The following PRDM16 variants were observed in gnomAD, a reference collection of about 807,000 sequenced individuals.
PRDM16 encodes histone-lysine N-methyltransferase PRDM16.
In PRDM16, 23 loss-of-function variants were observed where a neutral mutation model predicts 110.6. That is an observed-to-expected ratio of 0.21 (90% confidence interval 0.15 to 0.29). The LOEUF (loss-of-function observed/expected upper bound fraction) is 0.29, where lower values mean the gene tolerates loss of function less well. PRDM16 is among the 10% of genes least tolerant of loss of function. The pLI is 1.00. For missense variants in PRDM16, 1,615 were observed against 1,794.3 expected, an observed-to-expected ratio of 0.90 and a Z score of 1.81; for synonymous variants, 799 against 781.8, an observed-to-expected ratio of 1.02 and a Z score of -0.37.
chr1:3,294,656 G>A (rs561882678), intron 3 of PRDM16, among the ~76,000 whole-genome samples: 26 of 152,184 alleles, frequency 1.7e-4, no homozygotes, highest in Middle Eastern at 3.4e-3. Context: ...TTCAGCCAGC[G>A]CCATCCTCTG....
chr1:3,233,259 G>T (rs1408231085), intron 2 of PRDM16, among the ~76,000 whole-genome samples: 3 of 152,202 alleles, frequency 2.0e-5, no homozygotes, highest in African/African-American at 7.2e-5. Flanking sequence ...CGGTGTGGAG[G>T]AGGGACCGTC....
Position 3,411,689 on chromosome 1 carries a change from C to A in PRDM16, c.1492C>A (p.Leu498Met). Residue 498 changes from leucine (L) to methionine (M), a missense_variant, in exon 9 of 17, where the codon CTG (leucine) becomes ATG (methionine). Leu to Met is a conservative substitution (Grantham distance 15). Transcript: ENST00000270722. ...YFPSRPHPGS[L>M]PFSTAPPTFP... ...TCCCTCCAGGCCGCACCCGGGGAGC[C>A]TGCCCTTCTCCACGGCGCCTCCCAC... 6.2e-7 allele frequency: 1 copy of A among 1,610,768 alleles called. No homozygotes were observed. Among genetic ancestry groups the A allele is most frequent in the Non-Finnish European group, 8.5e-7 (1 of 1,177,832 alleles).
At chr1:3,313,431 A>T (rs1430373233) in intron 3 of PRDM16, among the ~76,000 whole-genome samples, 2 of 152,180 alleles carry the variant, frequency 1.3e-5, no homozygotes, top group African/African-American at 4.8e-5. Context: ...CAGGGTGGGA[A>T]AAGTAGCCTG....
At position 3,412,482 on chromosome 1, in the gene PRDM16, T is replaced by C. The variant is rs1248519854; in HGVS notation, c.2285T>C (p.Leu762Pro). The change falls in exon 9 of 17, where the codon CTC becomes CCC. Residue 762 changes from leucine (L) to proline (P), a missense_variant. By Grantham distance (98) the Leu-to-Pro change is moderately conservative (BLOSUM62 -3). Transcript: ENST00000270722. Reference protein sequence around the residue: ...KAEPKSPRDALKVGGPSAECP... With the variant: ...KAEPKSPRDAPKVGGPSAECP... ...GAGCCAAAGTCACCCCGGGACGCCCTCAAGGTGGGCGGCCCCAGTGCCGAG... is the reference window on the plus strand; with the variant it reads ...GAGCCAAAGTCACCCCGGGACGCCCCCAAGGTGGGCGGCCCCAGTGCCGAG... The C allele has an allele frequency of 6.2e-7, 1 of 1,613,182 alleles. No individual in the cohort carries two copies. Among genetic ancestry groups the C allele is most frequent in the Non-Finnish European group, 8.5e-7 (1 of 1,179,948 alleles).
chr1:3,401,511 C>T (rs1010634240), intron 5 of PRDM16, among the ~76,000 whole-genome samples: 12 of 152,164 alleles, frequency 7.9e-5, no homozygotes, highest in African/African-American at 2.9e-4. Context: ...CAAACACAAA[C>T]ATGCACGTTA....
In PRDM16 at chr1:3,157,303, C is replaced by T. The variant is rs1045343029; in HGVS notation, c.38-28822C>T. ...ATTTCAGATACACAGCACACAAGTA[C>T]GTCCCAAACACAGCCAGCATTTTGT... On this transcript the variant is annotated intron_variant, in intron 1 of 16. Transcript: ENST00000270722. The surrounding 1 kb of genome is among the most constrained non-coding windows in gnomAD (Gnocchi z 4.8). Among the ~76,000 whole-genome samples the T allele has an allele frequency of 1.3e-5, 2 of 152,050 alleles. No homozygotes were observed. The highest frequency in any genetic ancestry group is 4.8e-5 in the African/African-American group (2 of 41,402).
chr1:3,088,671 T>C (rs1312973551), intron 1 of PRDM16, among the ~76,000 whole-genome samples: 1 of 151,324 alleles, frequency 6.6e-6, no homozygotes, highest in East Asian at 1.9e-4. Context: ...TTTCACCGTG[T>C]TAGCCAGGAT....
At chr1:3,174,292 T>A (rs924258254) in intron 1 of PRDM16, among the ~76,000 whole-genome samples, 1 of 152,200 alleles carries the variant, frequency 6.6e-6, no homozygotes, top group Non-Finnish European at 1.5e-5. Flanking sequence ...CCCTCCCTAG[T>A]GACCTCACCT....
chr1:3,296,840 C>T (rs374487282), intron 3 of PRDM16, among the ~76,000 whole-genome samples: 1 of 152,194 alleles, frequency 6.6e-6, no homozygotes, highest in Non-Finnish European at 1.5e-5. Flanking sequence ...AAACCCACTG[C>T]GAGTTGAAAA....
intron 1 of PRDM16, among the ~76,000 whole-genome samples, chr1:3,145,578 G>A (rs146321766): frequency 2.8e-4 from 43 of 152,244 alleles, no homozygotes; most frequent in Non-Finnish European, 4.9e-4. Flanking sequence ...CCCTCTCCAC[G>A]TGGTGCAGCA....
intron 3 of PRDM16, among the ~76,000 whole-genome samples, chr1:3,381,185 G>A (rs1018167822): frequency 1.3e-5 from 2 of 152,084 alleles, no homozygotes; most frequent in African/African-American, 4.8e-5. Context: ...TACATGCACA[G>A]GTGCACCCAC....
chr1:3,369,478 G>T (rs1407448139), intron 3 of PRDM16, among the ~76,000 whole-genome samples: 1 of 152,180 alleles, frequency 6.6e-6, no homozygotes, highest in Non-Finnish European at 1.5e-5. Context: ...CAGATATCCG[G>T]CATTGCAGTT....
intron 1 of PRDM16, among the ~76,000 whole-genome samples, chr1:3,149,196 A>G (rs903290463): frequency 1.3e-5 from 2 of 152,132 alleles, no homozygotes; most frequent in African/African-American, 4.8e-5. Flanking sequence ...TGCATGAGAT[A>G]TTGTCAGCCT....
intron 3 of PRDM16, among the ~76,000 whole-genome samples, chr1:3,374,934 C>T (rs778349489): frequency 1.3e-5 from 2 of 152,234 alleles, no homozygotes; most frequent in South Asian, 4.1e-4. Context: ...GCCACAGGCA[C>T]ACAGCAGAGA....
intron 3 of PRDM16, among the ~76,000 whole-genome samples, chr1:3,321,154 A>C (rs1312774316): frequency 6.6e-6 from 1 of 152,124 alleles, no homozygotes; most frequent in Non-Finnish European, 1.5e-5. Flanking sequence ...AAGTTGGGAG[A>C]GGGGAATCTG....
At chr1:3,217,968 G>A (rs1639070670) in intron 2 of PRDM16, among the ~76,000 whole-genome samples, 1 of 152,198 alleles carries the variant, frequency 6.6e-6, no homozygotes, top group African/African-American at 2.4e-5. Context: ...CCGATGTTGG[G>A]GTCTGGGAAG....
intron 3 of PRDM16, among the ~76,000 whole-genome samples, chr1:3,373,864 C>T (rs1288543291): frequency 2.6e-5 from 4 of 152,276 alleles, no homozygotes; most frequent in Non-Finnish European, 5.9e-5. Flanking sequence ...TGCCAGAAAG[C>T]ATCCACAGGA....
At chr1:3,142,696 C>T (rs1643575588) in intron 1 of PRDM16, among the ~76,000 whole-genome samples, 1 of 152,156 alleles carries the variant, frequency 6.6e-6, no homozygotes, top group South Asian at 2.1e-4. Flanking sequence ...TCGTGCTCCC[C>T]CGAGAGCGGG....
chr1:3,095,053 G>C (rs1570240842), intron 1 of PRDM16, among the ~76,000 whole-genome samples: 1 of 152,256 alleles, frequency 6.6e-6, no homozygotes, highest in African/African-American at 2.4e-5. Flanking sequence ...CGGTTGGGGA[G>C]ATGATGAGCC....
Sources: allele counts gnomAD v4.1 joint callset (sites outside exome capture counted in the v4.1 genomes callset), GRCh38; gene constraint gnomAD v4.1.1; non-coding constraint Gnocchi (gnomAD v3.1); transcripts MANE v1.5; gene names NCBI Gene and HGNC (gene_info 2026-07-23, HGNC 2026-07-21).